Variants in TNS3 observed in about 807,000 individuals in gnomAD.
TNS3 encodes tensin-3.
TNS3 carries 45 observed loss-of-function variants against 140.9 expected under a neutral mutation model. The observed-to-expected ratio is 0.32, with a 90% CI of 0.25 to 0.41. The LOEUF is 0.41. TNS3 is among the 10% of genes least tolerant of loss of function. The probability of loss-of-function intolerance (pLI) is 1.00; values close to 1 mark genes in which losing one functional copy is unlikely to be tolerated. For missense variants in TNS3, 1,716 were observed against 1,906.7 expected (o/e 0.90, Z 1.86); for synonymous variants, 815 against 788.4 (o/e 1.03, Z -0.56).
At chr7:47,529,228 A>C (rs1584817957) in intron 1 of TNS3, 81 bp from the exon 2 acceptor site, 1 of 761,688 alleles carries the variant, frequency 1.3e-6, no homozygotes, top group South Asian at 1.8e-5. Flanking sequence ...GGAAATAATA[A>C]ATCTAGTGGA....
At chr7:47,566,319 C>T (rs577570304) in intron 1 of TNS3, among the ~76,000 whole-genome samples, 3 of 152,352 alleles carry the variant, frequency 2.0e-5, no homozygotes, top group East Asian at 1.9e-4. Context: ...GCCACATTCA[C>T]GTTTCCACTG....
intron 17 of TNS3, among the ~76,000 whole-genome samples, chr7:47,347,824 C>T (rs67418424): frequency 0.11 from 17,001 of 152,188 alleles, 1,015 homozygotes; most frequent in East Asian, 0.17. Context: ...CCCTCACCAG[C>T]TGCAGGACAT....
intron 9 of TNS3, among the ~76,000 whole-genome samples, chr7:47,424,979 T>G (rs1367665075): frequency 1.3e-5 from 2 of 152,164 alleles, no homozygotes; most frequent in African/African-American, 2.4e-5. Flanking sequence ...GGAATATGAG[T>G]GCAGTGTCTT....
intron 20 of TNS3, among the ~76,000 whole-genome samples, chr7:47,306,366 T>A (rs1461107698): frequency 6.6e-6 from 1 of 152,168 alleles, no homozygotes; most frequent in Non-Finnish European, 1.5e-5. Flanking sequence ...CTCTACAGAA[T>A]TTGCACTATC....
At chr7:47,554,053 C>T (rs572774753) in intron 1 of TNS3, among the ~76,000 whole-genome samples, 140 of 151,842 alleles carry the variant, frequency 9.2e-4, no homozygotes, top group African/African-American at 3.2e-3. Context: ...GATCCGCCCA[C>T]CTCGGCCTCC....
rs1244541435 is a variant in TNS3, at chr7:47,302,818, A to G, written c.3457+132T>C. On this transcript the variant is annotated intron_variant, in intron 22 of 30. Transcript: ENST00000311160. ...ACGAGGAAAATGGAAAAGTACCCCA[A>G]CGGCTCTGGATTTCCTCTCCAGGTG... 4.7e-6 allele frequency: 6 copies of G among 1,275,384 alleles called. No individual in the cohort carries two copies. The Admixed American group carries it at 1.2e-4, about 26-fold the overall frequency. The allele number at this position is 1,275,384 out of a possible 1,614,324, so 79.0% of individuals were successfully genotyped here. A position where few individuals can be genotyped will look rare whatever the true frequency, so the allele number is the denominator to read the frequency against.
chr7:47,469,766 G>T (rs747088070), intron 4 of TNS3, among the ~76,000 whole-genome samples: 26 of 152,114 alleles, frequency 1.7e-4, no homozygotes, highest in Admixed American at 3.9e-4. Flanking sequence ...CTGAGGTCAG[G>T]AGTTCGAGAC....
chr7:47,334,124 C>A (rs922317675), intron 20 of TNS3, among the ~76,000 whole-genome samples: 1 of 152,132 alleles, frequency 6.6e-6, no homozygotes, highest in Admixed American at 6.5e-5. Flanking sequence ...CCTGTGTCCC[C>A]TCTTGTGAGC....
intron 1 of TNS3, among the ~76,000 whole-genome samples, chr7:47,556,567 T>C (rs140436066): frequency 2.4e-3 from 361 of 152,286 alleles, no homozygotes; most frequent in African/African-American, 8.4e-3. Context: ...AGCATGATTA[T>C]TATTTTGTTG....
At chr7:47,367,705 T>C (rs1390778230) in intron 17 of TNS3, among the ~76,000 whole-genome samples, 1 of 152,160 alleles carries the variant, frequency 6.6e-6, no homozygotes, top group Non-Finnish European at 1.5e-5. Context: ...CCCCTGGGCC[T>C]GTTCCCCCAA....
intron 10 of TNS3, among the ~76,000 whole-genome samples, chr7:47,420,900 T>C (rs1039637784): frequency 8.5e-5 from 13 of 152,184 alleles, no homozygotes; most frequent in Admixed American, 3.3e-4. Flanking sequence ...AGTAACACTA[T>C]ATAGGATAAT....
chr7:47,514,663 C>G (rs1293611840), intron 2 of TNS3, among the ~76,000 whole-genome samples: 1 of 152,112 alleles, frequency 6.6e-6, no homozygotes, highest in East Asian at 1.9e-4. Context: ...CTTCTTTATT[C>G]TGTGCCATCC....
At chr7:47,488,333 G>A (rs1320889939) in intron 3 of TNS3, among the ~76,000 whole-genome samples, 1 of 152,170 alleles carries the variant, frequency 6.6e-6, no homozygotes, top group Non-Finnish European at 1.5e-5. Context: ...GTCTTAGCTC[G>A]GGTAAGGGGC....
chr7:47,524,299 A>G (rs1799098296), intron 2 of TNS3, among the ~76,000 whole-genome samples: 1 of 152,230 alleles, frequency 6.6e-6, no homozygotes, highest in Admixed American at 6.5e-5. Flanking sequence ...AATGGGCTTC[A>G]TAAAAGCCTA....
At chr7:47,384,727 G>A (rs1791976043) in intron 16 of TNS3, among the ~76,000 whole-genome samples, 1 of 152,070 alleles carries the variant, frequency 6.6e-6, no homozygotes, top group African/African-American at 2.4e-5. Context: ...CCTCAGCACA[G>A]TGGAGTCACA....
chr7:47,394,700 C>A (rs1792724381), intron 16 of TNS3, among the ~76,000 whole-genome samples: 1 of 152,240 alleles, frequency 6.6e-6, no homozygotes. Context: ...TCCACAGATT[C>A]TCCGTAAAGT....
Position 47,280,183 on chromosome 7 carries a change from T to C in TNS3, c.4174A>G (p.Lys1392Glu). 1 of 1,614,200 alleles carries C rather than the reference T, an allele frequency of 6.2e-7. No individual in the cohort carries two copies. The highest frequency in any genetic ancestry group is 8.5e-7 in the Non-Finnish European group (1 of 1,180,026). ...ACTTACTTTGAGGAAGGGCCATCTT[T>C]GATCCACCTTGCAAATTAAAGAGAA... Reference protein sequence around the residue: ...ALDPQDRKWIKDGPSSKVFGF... With the variant: ...ALDPQDRKWIEDGPSSKVFGF... Residue 1392 changes from lysine (K) to glutamate (E), a missense_variant, in exon 30 of 31, where the codon AAA becomes GAA. Lys to Glu is a moderately conservative substitution (Grantham distance 56, BLOSUM62 1). Transcript: ENST00000311160.
chr7:47,567,058 T>C (rs1378983479), intron 1 of TNS3, among the ~76,000 whole-genome samples: 1 of 144,726 alleles, frequency 6.9e-6, no homozygotes, highest in African/African-American at 2.5e-5. Context: ...AAAAAAGACA[T>C]TCCATCTCTT....
At chr7:47,286,048 G>C (rs1333816765) in intron 27 of TNS3, among the ~76,000 whole-genome samples, 1 of 152,174 alleles carries the variant, frequency 6.6e-6, no homozygotes, top group Non-Finnish European at 1.5e-5. Flanking sequence ...TCACGAGAGG[G>C]ACAGTCCGCC....
Sources: allele counts gnomAD v4.1 joint callset (sites outside exome capture counted in the v4.1 genomes callset), GRCh38; gene constraint gnomAD v4.1.1; transcripts MANE v1.5; gene names NCBI Gene and HGNC (gene_info 2026-07-23, HGNC 2026-07-21).